RDH10: variants seen among roughly 807,000 people sequenced by gnomAD.
RDH10 encodes retinol dehydrogenase 10, also known as retinol dehydrogenase 10 (all-trans).
In RDH10, 12 loss-of-function variants were observed where a neutral mutation model predicts 30.2. The observed-to-expected ratio is 0.40, with a 90% CI of 0.25 to 0.64. The LOEUF (loss-of-function observed/expected upper bound fraction) is 0.64, where lower values mean the gene tolerates loss of function less well. RDH10 is among the 30% of genes least tolerant of loss of function. The pLI, the probability that RDH10 is intolerant of heterozygous loss-of-function variation, is 0.43. For synonymous variants in RDH10, 189 were observed against 172.2 expected (o/e 1.10, Z -0.76); for missense variants, 268 against 445.2 (o/e 0.60, Z 3.58).
chr8:73,295,824 G>C, intron 1 of RDH10: 2 of 1,239,742 alleles, frequency 1.6e-6, no homozygotes, highest in South Asian at 5.0e-5. Context: ...GGCGGGGGGA[G>C]GGGGCGGGTT....
intron 2 of RDH10, 82 bp downstream of exon 2, chr8:73,297,511 T>G (rs34188852): frequency 2.1e-6 from 2 of 971,260 alleles, no homozygotes; most frequent in Non-Finnish European, 3.3e-6. Flanking sequence ...AGTGCCAGCC[T>G]GAAAGCAACC....
rs1406543778 is a variant in RDH10 at position 73,325,255 on chromosome 8, C to A, written c.*2219C>A. 6.6e-6 allele frequency: 1 copy of A among 152,236 alleles called. No individual in the cohort carries two copies. Among genetic ancestry groups the A allele is most frequent in the Admixed American group, 6.5e-5 (1 of 15,282 alleles). 9.4% of individuals were successfully genotyped at this position (152,236 alleles called of 1,614,324 possible). A position where few individuals can be genotyped will look rare whatever the true frequency, so the allele number is the denominator to read the frequency against. ...ATTGCCCTTATAAGGGTGTCCATCTCCAAGTTCAATAAACTAATTCATTTA... is the reference window on the plus strand; with the variant it reads ...ATTGCCCTTATAAGGGTGTCCATCTACAAGTTCAATAAACTAATTCATTTA... On this transcript the variant is annotated 3_prime_UTR_variant, in exon 6 of 6. Transcript: ENST00000240285.
At chr8:73,316,082 T>G (rs916600328) in intron 2 of RDH10, among the ~76,000 whole-genome samples, 1 of 152,206 alleles carries the variant, frequency 6.6e-6, no homozygotes, top group Non-Finnish European at 1.5e-5. Flanking sequence ...CATAACACAA[T>G]CACGGCTCAC....
chr8:73,315,895 C>G (rs892962102), intron 2 of RDH10, among the ~76,000 whole-genome samples: 1 of 152,194 alleles, frequency 6.6e-6, no homozygotes, highest in African/African-American at 2.4e-5. Context: ...GGCAAATTTT[C>G]AAAACTTAAA....
intron 2 of RDH10, among the ~76,000 whole-genome samples, chr8:73,310,207 A>G (rs1359828998): frequency 6.6e-6 from 1 of 152,252 alleles, no homozygotes; most frequent in Non-Finnish European, 1.5e-5. Context: ...TTTTTTAACA[A>G]TGCCTATCCC....
intron 3 of RDH10, among the ~76,000 whole-genome samples, chr8:73,320,480 T>A (rs796676774): frequency 8.9e-6 from 1 of 112,528 alleles, no homozygotes; most frequent in African/African-American, 4.4e-5. Flanking sequence ...TTTTTGTTTT[T>A]TTTTTTTTGA....
intron 2 of RDH10, chr8:73,297,720 G>T: frequency 3.5e-6 from 1 of 283,386 alleles, no homozygotes; most frequent in Non-Finnish European, 6.9e-6. Context: ...TAAAACCCTG[G>T]GTTTGTTTAT....
Position 73,319,782 on chromosome 8 carries a change from T to C in RDH10, c.624+588T>C, listed in dbSNP as rs184286616. Among the ~76,000 whole-genome samples the C allele has an allele frequency of 5.3e-5, 8 of 152,318 alleles. No individual in the cohort carries two copies. The East Asian group carries it at 1.5e-3, about 29-fold the overall frequency. ...ACCTTGCCAAAACTGAGCTATCTTG[T>C]ATTAATTAGCCCATCAGATGAGGCG... is the stretch of plus-strand genomic sequence containing the variant. On this transcript the variant is annotated intron_variant, in intron 3 of 5. Coordinates refer to ENST00000240285, the MANE Select transcript of RDH10 (RefSeq NM_172037.5).
At position 73,324,536 on chromosome 8, in the gene RDH10, A is replaced by T. The variant is rs939552856; in HGVS notation, c.*1500A>T. The T allele has an allele frequency of 6.6e-6, 1 of 152,534 alleles. No homozygotes were observed. The highest frequency in any genetic ancestry group is 1.5e-5 in the Non-Finnish European group (1 of 68,018). The allele number at this position is 152,534 out of a possible 1,614,324, so 9.4% of individuals were successfully genotyped here. A position where few individuals can be genotyped will look rare whatever the true frequency, so the allele number is the denominator to read the frequency against. On this transcript the variant is annotated 3_prime_UTR_variant, in exon 6 of 6. Transcript: ENST00000240285. ...TACTAATTGGGGAGTTTTATAAATG[A>T]CTGATTAAATTTAAAGAATTAACTT...
Position 73,323,740 on chromosome 8 carries a change from C to T in RDH10, c.*704C>T, listed in dbSNP as rs1814811701. Reference sequence around the variant, plus strand: ...AATCACGGCTCACTGCAATCTCTGCCTCCCAGTTTCAAGTGATTCTGCTGT... The same window carrying T: ...AATCACGGCTCACTGCAATCTCTGCTTCCCAGTTTCAAGTGATTCTGCTGT... On this transcript the variant is annotated 3_prime_UTR_variant, in exon 6 of 6. Coordinates refer to ENST00000240285, the MANE Select transcript of RDH10 (RefSeq NM_172037.5). The T allele has an allele frequency of 6.6e-6, 1 of 150,878 alleles. No homozygotes were observed. The highest frequency in any genetic ancestry group is 6.6e-5 in the Admixed American group (1 of 15,150). 9.3% of individuals were successfully genotyped at this position (150,878 alleles called of 1,614,324 possible).
chr8:73,305,405 C>T (rs147969622), intron 2 of RDH10, among the ~76,000 whole-genome samples: 3 of 152,114 alleles, frequency 2.0e-5, no homozygotes, highest in African/African-American at 7.2e-5. Context: ...TAAGTTTTGT[C>T]TTGAGTTGAG....
chr8:73,312,665 G>C (rs12544433), intron 2 of RDH10: 17,981 of 152,244 alleles, frequency 0.12, 1,108 homozygotes, highest in South Asian at 0.16. Context: ...CCAGTCAGAC[G>C]TTCTTTGTTC....
intron 2 of RDH10, among the ~76,000 whole-genome samples, chr8:73,309,013 C>T (rs755304740): frequency 2.6e-4 from 39 of 152,150 alleles, no homozygotes; most frequent in Middle Eastern, 3.2e-3. Flanking sequence ...CACGCATGTG[C>T]GCCAAAGTTT....
chr8:73,319,708 C>G (rs1814733006), intron 3 of RDH10, among the ~76,000 whole-genome samples: 1 of 152,192 alleles, frequency 6.6e-6, no homozygotes, highest in African/African-American at 2.4e-5. Context: ...CCATGGAAAG[C>G]TGTGGGGAAC....
In RDH10 at chr8:73,295,184, C is replaced by G; in HGVS notation, c.-106C>G. The G allele has an allele frequency of 8.8e-7, 1 of 1,138,208 alleles. No homozygotes were observed. Among genetic ancestry groups the G allele is most frequent in the Non-Finnish European group, 1.2e-6 (1 of 851,690 alleles). 70.5% of individuals were successfully genotyped at this position (1,138,208 alleles called of 1,614,324 possible). A position where few individuals can be genotyped will look rare whatever the true frequency, so the allele number is the denominator to read the frequency against. On this transcript the variant is annotated 5_prime_UTR_variant, in exon 1 of 6. Coordinates refer to ENST00000240285, the MANE Select transcript of RDH10 (RefSeq NM_172037.5). ...GGGCGGGCGCGGGGCGCAGCCTTCT[C>G]GTCCCGGCCTCTGTGACAAGCGCCC...
chr8:73,318,967 A>G, intron 2 of RDH10, 129 bp from the exon 3 acceptor site: 1 of 620,300 alleles, frequency 1.6e-6, no homozygotes, highest in Non-Finnish European at 2.8e-6. Flanking sequence ...TTTGATAAAT[A>G]TAAAATATTT....
At chr8:73,295,861 C>T (rs1271150706) in intron 1 of RDH10, 2 of 1,234,000 alleles carry the variant, frequency 1.6e-6, no homozygotes, top group Non-Finnish European at 2.0e-6. Flanking sequence ...GTAGGGAAGG[C>T]GGAGGGAACT....
At chr8:73,318,126 A>T (rs565519200) in intron 2 of RDH10, among the ~76,000 whole-genome samples, 2 of 151,896 alleles carry the variant, frequency 1.3e-5, no homozygotes, top group South Asian at 4.2e-4. Flanking sequence ...CAGTAGACAG[A>T]TTGCTCTTCG....
chr8:73,318,654 A>G (rs1250076483), intron 2 of RDH10, among the ~76,000 whole-genome samples: 1 of 152,270 alleles, frequency 6.6e-6, no homozygotes, highest in East Asian at 1.9e-4. Context: ...CTACGTAGAC[A>G]TCGCCGTAAG....
Sources: allele counts gnomAD v4.1 joint callset (sites outside exome capture counted in the v4.1 genomes callset), GRCh38; gene constraint gnomAD v4.1.1; transcripts MANE v1.5; gene names NCBI Gene and HGNC (gene_info 2026-07-23, HGNC 2026-07-21).